The following FARSB variants were observed in gnomAD, a reference collection of about 807,000 sequenced individuals.
The protein encoded by FARSB is phenylalanyl-tRNA synthetase subunit beta, also known as phenylalanine--tRNA ligase beta subunit.
Under a neutral mutation model 69.6 loss-of-function variants are expected in FARSB, and 40 were observed. The observed-to-expected ratio is 0.57, with a 90% CI of 0.45 to 0.75. FARSB has a LOEUF of 0.75. Among genes scored for constraint, FARSB ranks in the 30% least tolerant of loss-of-function variants. The pLI, the probability that FARSB is intolerant of heterozygous loss-of-function variation, is 0.00. For synonymous variants in FARSB, 235 were observed against 247.2 expected, an observed-to-expected ratio of 0.95 and a Z score of 0.46; for missense variants, 632 against 722.9, an observed-to-expected ratio of 0.87 and a Z score of 1.44.
At chr2:222,624,589 C>T in intron 11 of FARSB, 110 bp from the exon 12 acceptor site, 2 of 928,286 alleles carry the variant, frequency 2.2e-6, no homozygotes, top group Admixed American at 2.3e-5. Context: ...TTTTTGAGTT[C>T]TATCAGAAAC....
At chr2:222,612,290 G>A (rs965045751) in intron 15 of FARSB, among the ~76,000 whole-genome samples, 1 of 152,212 alleles carries the variant, frequency 6.6e-6, no homozygotes, top group Non-Finnish European at 1.5e-5. Context: ...CTAAGGATGT[G>A]TGACTGAGAT....
intron 5 of FARSB, among the ~76,000 whole-genome samples, chr2:222,638,985 A>G (rs2106235030): frequency 6.6e-6 from 1 of 152,284 alleles, no homozygotes; most frequent in East Asian, 1.9e-4. Context: ...TCCCGTTGTT[A>G]CCTTCACTGA....
chr2:222,639,531 G>T (rs1409394356), intron 5 of FARSB, 49 bp downstream of exon 5: 1 of 832,020 alleles, frequency 1.2e-6, no homozygotes, highest in South Asian at 1.8e-5. Context: ...GAGATAGGGA[G>T]ACAAAGGGAA....
intron 16 of FARSB, among the ~76,000 whole-genome samples, chr2:222,586,737 CA>C (rs934687693): frequency 7.0e-4 from 107 of 151,990 alleles, no homozygotes; most frequent in African/African-American, 2.4e-3. Context: ...GACTTTAAAC[CA>C]AAAGATCAAA....
chr2:222,632,934 A>G (rs534345954), intron 7 of FARSB, among the ~76,000 whole-genome samples: 8 of 152,352 alleles, frequency 5.3e-5, no homozygotes, highest in African/African-American at 1.9e-4. Flanking sequence ...CAAAACATCA[A>G]TAACCTTTGA....
At chr2:222,644,984 C>CA (rs59437360) in intron 2 of FARSB, among the ~76,000 whole-genome samples, 305 of 136,754 alleles carry the variant, frequency 2.2e-3, no homozygotes, top group East Asian at 7.0e-3. Flanking sequence ...AATTCCTTTG[C>CA]AAAAAAAAAA....
At chr2:222,595,027 T>C (rs983333818) in intron 16 of FARSB, among the ~76,000 whole-genome samples, 1 of 152,230 alleles carries the variant, frequency 6.6e-6, no homozygotes, top group Non-Finnish European at 1.5e-5. Context: ...AGAAAAATGA[T>C]AGTATTTGAA....
chr2:222,623,552 G>GTCTA (rs1691192704), intron 13 of FARSB, 98 bp downstream of exon 13: 1 of 800,522 alleles, frequency 1.2e-6, no homozygotes, highest in Non-Finnish European at 2.2e-6. Flanking sequence ...AGTTCTAACA[G>GTCTA]TCTAGATTTT....
chr2:222,580,350 A>C (rs1394400297), intron 16 of FARSB, among the ~76,000 whole-genome samples: 1 of 152,112 alleles, frequency 6.6e-6, no homozygotes, highest in Non-Finnish European at 1.5e-5. Context: ...TTCTTGGATT[A>C]CTTCCCTTTT....
At chr2:222,581,901 C>A (rs1370675597) in intron 16 of FARSB, among the ~76,000 whole-genome samples, 2 of 152,218 alleles carry the variant, frequency 1.3e-5, no homozygotes, top group African/African-American at 4.8e-5. Flanking sequence ...ATCTGAAAGA[C>A]TGGCAAAGAC....
At chr2:222,581,190 AAAGTT>A (rs1169017035) in intron 16 of FARSB, among the ~76,000 whole-genome samples, 1 of 152,260 alleles carries the variant, frequency 6.6e-6, no homozygotes, top group African/African-American at 2.4e-5. Context: ...AGACTTCAGT[AAAGTT>A]AACGGGCCTC....
chr2:222,649,008 T>C lies in FARSB; in HGVS notation c.59-213A>G, dbSNP rs546936025. Reference sequence around the variant, plus strand: ...TTGGGAGGCCAATGTGTGTGGATCATCTGAGGTCAGGAGTTTGAAACCAGC... The same window carrying C: ...TTGGGAGGCCAATGTGTGTGGATCACCTGAGGTCAGGAGTTTGAAACCAGC... On this transcript the variant is annotated intron_variant, in intron 1 of 16. Transcript: ENST00000281828. 1.4e-3 allele frequency among the ~76,000 whole-genome samples: 220 copies of C among 151,746 alleles called. 1 individual carries two copies. Among genetic ancestry groups the C allele is most frequent in the Admixed American group, 0.013 (193 of 15,242 alleles).
chr2:222,630,067 G>A (rs756089922), intron 9 of FARSB, 46 bp downstream of exon 9: 3 of 1,157,138 alleles, frequency 2.6e-6, no homozygotes, highest in African/African-American at 1.6e-5. Flanking sequence ...ACAAAGCCTC[G>A]CCTTCAGAAC....
chr2:222,589,904 C>T (rs1272475246), intron 16 of FARSB, among the ~76,000 whole-genome samples: 3 of 152,160 alleles, frequency 2.0e-5, no homozygotes, highest in Non-Finnish European at 4.4e-5. Flanking sequence ...GGAACACTTT[C>T]ACCCTGTTAG....
At chr2:222,602,655 G>T (rs1690593831) in intron 15 of FARSB, among the ~76,000 whole-genome samples, 1 of 150,960 alleles carries the variant, frequency 6.6e-6, no homozygotes, top group South Asian at 2.1e-4. Flanking sequence ...TAAGTTTTAG[G>T]GTACATGTGC....
chr2:222,613,122 T>G (rs1690901319), intron 15 of FARSB, among the ~76,000 whole-genome samples: 1 of 152,228 alleles, frequency 6.6e-6, no homozygotes, highest in African/African-American at 2.4e-5. Flanking sequence ...AATTCTTTGT[T>G]GAAAAATGCT....
Position 222,643,015 on chromosome 2 carries a change from G to C in FARSB, c.115-10C>G, listed in dbSNP as rs1234898838. The C allele has an allele frequency of 6.6e-7, 1 of 1,522,264 alleles. No homozygotes were observed. Among genetic ancestry groups the C allele is most frequent in the African/African-American group, 1.4e-5 (1 of 71,502 alleles). 94.3% of individuals were successfully genotyped at this position (1,522,264 alleles called of 1,614,324 possible). A position where few individuals can be genotyped will look rare whatever the true frequency, so the allele number is the denominator to read the frequency against. On this transcript the variant is annotated splice_polypyrimidine_tract_variant and intron_variant, in intron 2 of 16. Transcript: ENST00000281828. ...TTTCCTTCTCAGATGTCTAAAACAA[G>C]CCAAAAAGTAATGATAAAAATTAAA...
chr2:222,616,666 TTTA>T (rs1379375442), intron 14 of FARSB, among the ~76,000 whole-genome samples: 4 of 152,170 alleles, frequency 2.6e-5, no homozygotes, highest in Non-Finnish European at 5.9e-5. Flanking sequence ...TGTAAGTTTG[TTTA>T]TTGTCACTAT....
Position 222,571,821 on chromosome 2 carries a change from G to A in FARSB, c.*50C>T. 1 of 1,521,274 alleles carries A rather than the reference G, an allele frequency of 6.6e-7. No homozygotes were observed. The highest frequency in any genetic ancestry group is 1.2e-5 in the South Asian group (1 of 84,264). The allele number at this position is 1,521,274 out of a possible 1,614,324, so 94.2% of individuals were successfully genotyped here. On this transcript the variant is annotated 3_prime_UTR_variant, in exon 17 of 17. Coordinates refer to ENST00000281828, the MANE Select transcript of FARSB (RefSeq NM_005687.5). ...TGGAGGAGGACTTAAGGACACTAGG[G>A]GAGGAGAAAGGGACACCTGGGAAGA... is the stretch of plus-strand genomic sequence containing the variant.
Sources: allele counts gnomAD v4.1 joint callset (sites outside exome capture counted in the v4.1 genomes callset), GRCh38; gene constraint gnomAD v4.1.1; transcripts MANE v1.5; gene names NCBI Gene and HGNC (gene_info 2026-07-23, HGNC 2026-07-21).